Variants in MME observed in about 807,000 individuals in gnomAD.
The protein encoded by MME is membrane metalloendopeptidase.
Under a neutral mutation model 113.2 loss-of-function variants are expected in MME, and 98 were observed. That is an observed-to-expected ratio of 0.87 (90% confidence interval 0.74 to 1.02). MME has a LOEUF of 1.02. Among genes scored for constraint, MME ranks in the 50% least tolerant of loss-of-function variants. The probability of loss-of-function intolerance (pLI) is 0.00; values close to 1 mark genes in which losing one functional copy is unlikely to be tolerated. For synonymous variants in MME, 292 were observed against 300.6 expected (o/e 0.97, Z 0.30); for missense variants, 836 against 896.0 (o/e 0.93, Z 0.86).
chr3:155,044,665 T>A (rs1176972311), intron 1 of MME, among the ~76,000 whole-genome samples: 1 of 152,120 alleles, frequency 6.6e-6, no homozygotes, highest in African/African-American at 2.4e-5. Flanking sequence ...TTAATTGGAA[T>A]GTTTATAGTG....
chr3:155,127,397 A>G (rs1719774928), intron 8 of MME, among the ~76,000 whole-genome samples: 1 of 152,218 alleles, frequency 6.6e-6, no homozygotes, highest in Admixed American at 6.5e-5. Context: ...CCACAGGAAG[A>G]AGAAAAGAGA....
rs114865376 is a variant in MME, at chr3:155,161,214, T to C, written c.1660+766T>C. 5.1e-3 allele frequency among the ~76,000 whole-genome samples: 769 copies of C among 152,206 alleles called. 13 individuals carry two copies. The highest frequency in any genetic ancestry group is 0.017 in the African/African-American group (726 of 41,540). ...ATCACATACATTGGCTCATTTTTTT[T>C]CAGGGGGTTTTTAGCATTAGAAAGG... On this transcript the variant is annotated intron_variant, in intron 17 of 22. Transcript: ENST00000360490.
intron 8 of MME, among the ~76,000 whole-genome samples, chr3:155,126,612 A>G (rs1256273439): frequency 6.6e-6 from 1 of 152,066 alleles, no homozygotes; most frequent in African/African-American, 2.4e-5. Context: ...GAGAATCCAG[A>G]TTTCTTAGTA....
intron 20 of MME, among the ~76,000 whole-genome samples, chr3:155,170,245 A>G (rs1014101691): frequency 4.6e-5 from 7 of 152,132 alleles, no homozygotes; most frequent in African/African-American, 1.7e-4. Context: ...GGATTTCGCC[A>G]TGTTGGCCAG....
chr3:155,135,019 G>A (rs1042397657), intron 8 of MME, among the ~76,000 whole-genome samples: 3 of 152,060 alleles, frequency 2.0e-5, no homozygotes, highest in African/African-American at 7.2e-5. Flanking sequence ...TAAGTTTCTT[G>A]TAGATTCTGG....
At chr3:155,063,163 TTA>T (rs941821934) in intron 1 of MME, among the ~76,000 whole-genome samples, 5 of 134,222 alleles carry the variant, frequency 3.7e-5, no homozygotes, top group East Asian at 2.1e-4. Flanking sequence ...TGTTGTATAA[TTA>T]TATATATTAT....
intron 1 of MME, among the ~76,000 whole-genome samples, chr3:155,045,824 G>C (rs1381789453): frequency 2.0e-5 from 3 of 151,686 alleles, no homozygotes; most frequent in Admixed American, 6.6e-5. Context: ...GGGATATTAG[G>C]CATTGACTTG....
chr3:155,078,078 A>G (rs1467762920), upstream of MME, among the ~76,000 whole-genome samples: 6 of 150,772 alleles, frequency 4.0e-5, no homozygotes, highest in Admixed American at 6.6e-5. Context: ...ACACACACAC[A>G]CGCAAGCAAA....
At chr3:155,109,400 A>AAC (rs1265315696) in intron 3 of MME, among the ~76,000 whole-genome samples, 1 of 152,124 alleles carries the variant, frequency 6.6e-6, no homozygotes, top group Non-Finnish European at 1.5e-5. Context: ...AGCAGAGTGG[A>AAC]AGCCTTGGGG....
intron 14 of MME, 32 bp from the exon 15 acceptor site, chr3:155,147,112 C>G: frequency 7.5e-7 from 1 of 1,335,520 alleles, no homozygotes; most frequent in Non-Finnish European, 1.1e-6. Context: ...GTTATATAAT[C>G]ATCTTCACAT....
chr3:155,089,494 G>T (rs2108185470), intron 3 of MME, among the ~76,000 whole-genome samples: 1 of 152,302 alleles, frequency 6.6e-6, no homozygotes. Context: ...TAGATGTCCA[G>T]TAGCAGTCCT....
chr3:155,132,703 C>A (rs941999994), intron 8 of MME, among the ~76,000 whole-genome samples: 1 of 151,918 alleles, frequency 6.6e-6, no homozygotes, highest in African/African-American at 2.4e-5. Flanking sequence ...CACACACACA[C>A]AAAATTAAAT....
intron 3 of MME, among the ~76,000 whole-genome samples, chr3:155,108,973 A>T (rs1252457677): frequency 6.6e-6 from 1 of 152,148 alleles, no homozygotes; most frequent in Non-Finnish European, 1.5e-5. Context: ...TAAGGGAGAC[A>T]TGTAGTGGGG....
chr3:155,054,499 T>C lies in MME; in HGVS notation c.-10-29659T>C, dbSNP rs544435591. Among the ~76,000 whole-genome samples the C allele has an allele frequency of 2.0e-4, 31 of 152,294 alleles. No individual in the cohort carries two copies. In the South Asian group the frequency reaches 5.4e-3, roughly 26 times the overall value. The stretch of plus-strand genomic sequence containing the variant: ...ATTACTTTGCCTGTGCACTCTCCCA[T>C]ATAATTTTGTTAAAAACTCACTGTA... On this transcript the variant is annotated intron_variant, in intron 1 of 22. Transcript: ENST00000492661.
rs746055909 is a variant in MME at position 155,142,293 on chromosome 3, G to A, written c.1151G>A (p.Ser384Asn). 6.2e-7 allele frequency: 1 copy of A among 1,613,580 alleles called. No individual in the cohort carries two copies. The highest frequency in any genetic ancestry group is 1.7e-5 in the Admixed American group (1 of 59,944). The change falls in exon 12 of 23, where the codon AGC (serine) becomes AAC (asparagine). Residue 384 changes from serine (S) to asparagine (N), a missense_variant. Transcript: ENST00000360490. The stretch of plus-strand genomic sequence containing the variant: ...ATAATGGATCTTGTAAGCAGCCTCA[G>A]CCGAACCTACAAGGAGTCCAGAAAT... ...RFIMDLVSSL[S>N]RTYKESRNAF...
At chr3:155,164,118 T>A (rs1722915086) in intron 17 of MME, among the ~76,000 whole-genome samples, 1 of 147,344 alleles carries the variant, frequency 6.8e-6, no homozygotes, top group African/African-American at 2.5e-5. Flanking sequence ...CACTTCAGCC[T>A]GGGTGACAGA....
rs117454050 is a variant in MME at position 155,048,838 on chromosome 3, G to T, written c.-11+24514G>T. ...TTTATCTTATCCATGCATACTGAAG[G>T]TCTTCATATAGAATTATTGTTTGCT... On this transcript the variant is annotated intron_variant, in intron 1 of 22. Coordinates refer to the MME transcript ENST00000492661. 4.6e-5 allele frequency among the ~76,000 whole-genome samples: 7 copies of T among 152,102 alleles called. No homozygotes were observed. The East Asian group carries it at 1.4e-3, about 29-fold the overall frequency.
intron 3 of MME, among the ~76,000 whole-genome samples, chr3:155,106,769 G>A (rs1559920940): frequency 6.6e-6 from 1 of 152,190 alleles, no homozygotes; most frequent in African/African-American, 2.4e-5. Context: ...GTAATATCAA[G>A]CTTAGTGTCT....
chr3:155,031,873 G>A (rs576050829), intron 1 of MME, among the ~76,000 whole-genome samples: 19 of 152,292 alleles, frequency 1.2e-4, no homozygotes, highest in African/African-American at 3.1e-4. Flanking sequence ...TTGGCAGGCC[G>A]GTCTCGAATT....
Sources: gnomAD v4.1 joint callset for allele counts (sites outside exome capture counted in the v4.1 genomes callset) on GRCh38, gnomAD v4.1.1 for gene constraint, MANE v1.5 for transcripts, NCBI Gene and HGNC (gene_info 2026-07-23, HGNC 2026-07-21) for gene names.